The following VWC2L variants were observed in gnomAD, a reference collection of about 807,000 sequenced individuals.
VWC2L encodes the protein von Willebrand factor C domain-containing protein 2-like.
In VWC2L, 10 loss-of-function variants were observed where a neutral mutation model predicts 21.6. The ratio of observed to expected loss-of-function variants is 0.46; its 90% CI spans 0.29 to 0.78. VWC2L has a LOEUF of 0.78. VWC2L is among the 30% of genes least tolerant of loss of function. The pLI is 0.10. For missense variants in VWC2L, 209 were observed against 277.1 expected (o/e 0.75, Z 1.74); for synonymous variants, 96 against 94.3 (o/e 1.02, Z -0.10).
intron 3 of VWC2L, among the ~76,000 whole-genome samples, chr2:214,532,931 G>GGACCCTGTGCTAGAGAGGGGA: frequency 6.6e-6 from 1 of 151,832 alleles, no homozygotes; most frequent in African/African-American, 2.4e-5. Flanking sequence ...TAGAGAGAGG[G>GGACCCTGTGCTAGAGAGGGGA]GACCCTGACA....
At chr2:214,434,563 T>C (rs1702649541) in intron 2 of VWC2L, among the ~76,000 whole-genome samples, 1 of 152,230 alleles carries the variant, frequency 6.6e-6, no homozygotes, top group South Asian at 2.1e-4. Flanking sequence ...ATCCTGCCTT[T>C]GCCTCTTACT....
chr2:214,560,850 G>A (rs558537210), intron 3 of VWC2L, among the ~76,000 whole-genome samples: 2 of 152,124 alleles, frequency 1.3e-5, no homozygotes, highest in African/African-American at 4.8e-5. Flanking sequence ...CAGCTCAAAG[G>A]CTGATGCTGA....
chr2:214,546,350 G>C (rs1004777062), intron 3 of VWC2L, among the ~76,000 whole-genome samples: 3 of 152,054 alleles, frequency 2.0e-5, no homozygotes, highest in Non-Finnish European at 4.4e-5. Flanking sequence ...ATGCTCCCTA[G>C]ATCTTGTTTG....
Position 214,461,066 on chromosome 2 carries a change from G to A in VWC2L, c.520+24308G>A, listed in dbSNP as rs542621396. 6.6e-5 allele frequency among the ~76,000 whole-genome samples: 10 copies of A among 152,340 alleles called. No homozygotes were observed. The South Asian group carries it at 2.1e-3, about 32-fold the overall frequency. On this transcript the variant is annotated intron_variant, in intron 3 of 3. Transcript: ENST00000312504. Reference sequence around the variant, plus strand: ...TATAATTTCCTCAGTGACTTGGGCTGCAGTTATTAGTGGAGGCTGTGGTGA... The same window carrying A: ...TATAATTTCCTCAGTGACTTGGGCTACAGTTATTAGTGGAGGCTGTGGTGA...
intron 3 of VWC2L, among the ~76,000 whole-genome samples, chr2:214,555,584 T>G: frequency 6.6e-6 from 1 of 152,206 alleles, no homozygotes; most frequent in South Asian, 2.1e-4. Flanking sequence ...AGTTTAAAAC[T>G]GGCAATTTCT....
intron 3 of VWC2L, among the ~76,000 whole-genome samples, chr2:214,449,767 C>T (rs1702926230): frequency 6.6e-6 from 1 of 152,166 alleles, no homozygotes; most frequent in African/African-American, 2.4e-5. Context: ...TGCATACATA[C>T]TTATTTTGCT....
intron 3 of VWC2L, among the ~76,000 whole-genome samples, chr2:214,550,599 C>A (rs999349031): frequency 6.6e-6 from 1 of 152,144 alleles, no homozygotes; most frequent in Admixed American, 6.6e-5. Flanking sequence ...TAGGAATGAG[C>A]TAGAAGTGTC....
chr2:214,476,126 T>C (rs184788039), intron 3 of VWC2L, among the ~76,000 whole-genome samples: 417 of 152,354 alleles, frequency 2.7e-3, no homozygotes, highest in African/African-American at 9.4e-3. Flanking sequence ...CTCTCTTTGA[T>C]TGTGTGATAA....
intron 3 of VWC2L, among the ~76,000 whole-genome samples, chr2:214,459,750 GT>G (rs200850245): frequency 6.6e-6 from 1 of 151,792 alleles, no homozygotes; most frequent in Non-Finnish European, 1.5e-5. Flanking sequence ...TTCATTGCTA[GT>G]TTTTTTTCCT....
At chr2:214,548,028 A>T (rs553685298) in intron 3 of VWC2L, among the ~76,000 whole-genome samples, 4 of 152,358 alleles carry the variant, frequency 2.6e-5, no homozygotes, top group African/African-American at 9.6e-5. Flanking sequence ...ACACTGAGTC[A>T]TGCAAGCTAA....
chr2:214,532,116 G>T (rs1689445387), intron 3 of VWC2L, among the ~76,000 whole-genome samples: 1 of 152,046 alleles, frequency 6.6e-6, no homozygotes, highest in Non-Finnish European at 1.5e-5. Context: ...AGGAAACCTA[G>T]GCCAGAGACT....
In VWC2L at chr2:214,577,709, T is replaced by C. The variant is rs1429492965; in HGVS notation, c.*1889T>C. On this transcript the variant is annotated 3_prime_UTR_variant, in exon 4 of 4. Coordinates refer to ENST00000312504, the MANE Select transcript of VWC2L (RefSeq NM_001080500.4). ...TCAGGAAACATATTTTTTTGAGTCTTGTCAACTGGTTTTTCATTTAAAATT... is the reference window on the plus strand; with the variant it reads ...TCAGGAAACATATTTTTTTGAGTCTCGTCAACTGGTTTTTCATTTAAAATT... 1 of 152,192 alleles carries C rather than the reference T, an allele frequency of 6.6e-6. No homozygotes were observed. The highest frequency in any genetic ancestry group is 2.4e-5 in the African/African-American group (1 of 41,454). 9.4% of individuals were successfully genotyped at this position (152,192 alleles called of 1,614,324 possible).
intron 3 of VWC2L, among the ~76,000 whole-genome samples, chr2:214,574,150 TAAC>T (rs552996097): frequency 1.4e-4 from 22 of 151,938 alleles, no homozygotes; most frequent in Non-Finnish European, 3.1e-4. Context: ...TCAAAAACAA[TAAC>T]AACAACAACA....
intron 3 of VWC2L, among the ~76,000 whole-genome samples, chr2:214,463,844 A>G (rs1669003692): frequency 1.3e-5 from 2 of 151,712 alleles, no homozygotes; most frequent in Non-Finnish European, 2.9e-5. Context: ...TTCATTTTTT[A>G]TTCTTTTTTC....
chr2:214,547,095 C>T (rs914570127), intron 3 of VWC2L, among the ~76,000 whole-genome samples: 5 of 152,162 alleles, frequency 3.3e-5, no homozygotes, highest in Admixed American at 6.5e-5. Flanking sequence ...CTCAAGCTAG[C>T]GGCATTTTTA....
chr2:214,551,284 G>A (rs1220915256), intron 3 of VWC2L, among the ~76,000 whole-genome samples: 3 of 152,168 alleles, frequency 2.0e-5, no homozygotes, highest in East Asian at 1.9e-4. Flanking sequence ...AAAGAATATC[G>A]TTCTGATCTT....
intron 3 of VWC2L, 38 bp downstream of exon 3, chr2:214,436,796 G>C (rs374571597): frequency 1.8e-5 from 29 of 1,608,516 alleles, no homozygotes; most frequent in Middle Eastern, 1.7e-4. Context: ...AGAGGGGTTC[G>C]CACAAAATAC....
intron 3 of VWC2L, among the ~76,000 whole-genome samples, chr2:214,531,977 C>T (rs1181673241): frequency 2.0e-5 from 3 of 152,070 alleles, no homozygotes; most frequent in East Asian, 1.9e-4. Flanking sequence ...ACTACTATTT[C>T]TCTCTCAGCT....
At chr2:214,475,460 T>G (rs1688500847) in intron 3 of VWC2L, among the ~76,000 whole-genome samples, 1 of 152,206 alleles carries the variant, frequency 6.6e-6, no homozygotes, top group Non-Finnish European at 1.5e-5. Context: ...TATTTATTTT[T>G]GCTCATTTTG....
Sources: allele counts gnomAD v4.1 joint callset (sites outside exome capture counted in the v4.1 genomes callset), GRCh38; gene constraint gnomAD v4.1.1; transcripts MANE v1.5; gene names NCBI Gene and HGNC (gene_info 2026-07-23, HGNC 2026-07-21).